Variants in PGM1 observed in about 807,000 individuals in gnomAD.
The protein encoded by PGM1 is phosphoglucomutase 1, also known as phosphoglucomutase-1.
Under a neutral mutation model 55.6 loss-of-function variants are expected in PGM1, and 52 were observed. The observed-to-expected ratio is 0.94, with a 90% CI of 0.75 to 1.18. The LOEUF is 1.18. Among genes scored for constraint, PGM1 ranks in the 50% most tolerant of loss-of-function variants. The pLI, the probability that PGM1 is intolerant of heterozygous loss-of-function variation, is 0.00. For synonymous variants in PGM1, 287 were observed against 271.7 expected (o/e 1.06, Z -0.55); for missense variants, 724 against 729.3 (o/e 0.99, Z 0.08).
intron 10 of PGM1, among the ~76,000 whole-genome samples, chr1:63,656,778 A>G (rs1380149082): frequency 6.6e-6 from 1 of 152,218 alleles, no homozygotes; most frequent in African/African-American, 2.4e-5. Context: ...ATCTAAAAAA[A>G]GTGAATCTCA....
At chr1:63,619,525 A>G (rs996087878) in intron 1 of PGM1, among the ~76,000 whole-genome samples, 2 of 152,232 alleles carry the variant, frequency 1.3e-5, no homozygotes, top group African/African-American at 4.8e-5. Flanking sequence ...AGCCTTGGTT[A>G]ATCTTTTTCC....
At chr1:63,605,811 A>G (rs182582123) in intron 1 of PGM1, among the ~76,000 whole-genome samples, 2 of 152,224 alleles carry the variant, frequency 1.3e-5, no homozygotes, top group East Asian at 1.9e-4. Context: ...AGCTCAAGCA[A>G]TCCACCCACC....
chr1:63,653,183 C>G (rs1213836054), intron 9 of PGM1, among the ~76,000 whole-genome samples: 3 of 152,166 alleles, frequency 2.0e-5, no homozygotes, highest in Admixed American at 6.5e-5. Context: ...TTTCTGTAAT[C>G]AGAAAATCCA....
chr1:63,633,864 CTCTGTGTGTGTGTG>C (rs1367236325), intron 4 of PGM1, among the ~76,000 whole-genome samples: 30 of 70,186 alleles, frequency 4.3e-4, no homozygotes, highest in Admixed American at 2.8e-3. Flanking sequence ...GTGTCTGTGT[CTCTGTGTGTGTGTG>C]TGTGTGTGTG....
chr1:63,638,827 T>C, intron 7 of PGM1, 27 bp downstream of exon 7: 1 of 1,466,856 alleles, frequency 6.8e-7, no homozygotes, highest in Non-Finnish European at 9.6e-7. Context: ...TGCTAGCATT[T>C]TCCTCCCTGT....
intron 7 of PGM1, among the ~76,000 whole-genome samples, chr1:63,639,426 T>A (rs1649455594): frequency 1.3e-5 from 2 of 151,916 alleles, no homozygotes; most frequent in Non-Finnish European, 2.9e-5. Context: ...TAGACCTCAC[T>A]CTCTGCGCTC....
intron 7 of PGM1, among the ~76,000 whole-genome samples, chr1:63,647,961 C>A (rs1649699280): frequency 6.6e-6 from 1 of 152,168 alleles, no homozygotes; most frequent in South Asian, 2.1e-4. Flanking sequence ...TTCTAAATCA[C>A]TTTGGGAAGC....
At chr1:63,605,551 C>T (rs1648396109) in intron 1 of PGM1, among the ~76,000 whole-genome samples, 3 of 151,912 alleles carry the variant, frequency 2.0e-5, no homozygotes, top group South Asian at 4.2e-4. Flanking sequence ...ACAGAGAATC[C>T]TGGGGAATAT....
chr1:63,638,648 CCTG>C, intron 6 of PGM1, 34 bp from the exon 7 acceptor site: 1 of 1,382,706 alleles, frequency 7.2e-7, no homozygotes. Flanking sequence ...CGCTAACAGT[CCTG>C]CTGTGATGTA....
chr1:63,656,130 A>C (rs953055834), intron 10 of PGM1: 3 of 152,274 alleles, frequency 2.0e-5, no homozygotes, highest in Non-Finnish European at 4.4e-5. Context: ...TTGCTGAAGG[A>C]CATTTCTCCA....
chr1:63,623,455 T>G (rs899715517), intron 1 of PGM1: 3 of 1,610,698 alleles, frequency 1.9e-6, no homozygotes, highest in Non-Finnish European at 2.5e-6. Context: ...TCGGTGGAAG[T>G]GAAGGATGAG....
Position 63,593,420 on chromosome 1 carries a change from G to A in PGM1, c.-69G>A. ...GCCGTGCCCTCACCCCAGAGCAGCT[G>A]CAGCCTCAGCCGGCCGCCCCTCCGC... On this transcript the variant is annotated 5_prime_UTR_variant, in exon 1 of 11. Coordinates refer to ENST00000371084, the MANE Select transcript of PGM1 (RefSeq NM_002633.3). The A allele has an allele frequency of 6.2e-7, 1 of 1,605,960 alleles. No homozygotes were observed. The highest frequency in any genetic ancestry group is 1.1e-5 in the South Asian group (1 of 90,062).
rs762809896 is a variant in PGM1, at chr1:63,593,612, A to G, written c.124A>G (p.Ser42Gly). Residue 42 changes from serine to glycine, a missense_variant, in exon 1 of 11, where the codon AGT (serine) becomes GGT (glycine). Coordinates refer to ENST00000371084, the MANE Select transcript of PGM1 (RefSeq NM_002633.3). The part of the protein sequence containing the change: ...SANYAENFIQ[S>G]IISTVEPAQR... ...CAACTACGCGGAGAACTTCATCCAG[A>G]GTATCATCTCCACCGTGGAGCCGGC... The G allele has an allele frequency of 6.2e-6, 10 of 1,613,318 alleles. No homozygotes were observed. The highest frequency in any genetic ancestry group is 3.3e-5 in the South Asian group (3 of 91,000).
chr1:63,593,631 A>T lies in PGM1; in HGVS notation c.143A>T (p.Glu48Val), dbSNP rs1403233841. ...NFIQSIISTV[E>V]PAQRQEATLV... The stretch of plus-strand genomic sequence containing the variant: ...ATCCAGAGTATCATCTCCACCGTGG[A>T]GCCGGCGCAGCGGCAGGAGGCCACG... Residue 48 changes from glutamate to valine, a missense_variant, in exon 1 of 11, where the codon GAG becomes GTG. By Grantham distance (121) the Glu-to-Val change is moderately radical (BLOSUM62 -2). Transcript: ENST00000371084. 1.9e-6 allele frequency: 3 copies of T among 1,612,056 alleles called. No homozygotes were observed. The highest frequency in any genetic ancestry group is 1.7e-6 in the Non-Finnish European group (2 of 1,179,384).
chr1:63,638,887 C>A (rs1006651075), intron 7 of PGM1, 87 bp downstream of exon 7: 1 of 911,414 alleles, frequency 1.1e-6, no homozygotes. Flanking sequence ...CACTGAAATA[C>A]CAACGGTAGC....
intron 1 of PGM1, among the ~76,000 whole-genome samples, chr1:63,622,237 C>G (rs554717039): frequency 2.0e-5 from 3 of 151,918 alleles, no homozygotes; most frequent in Non-Finnish European, 4.4e-5. Flanking sequence ...GTTGAACAGA[C>G]TGGTCTCGAA....
chr1:63,626,088 G>C (rs981897666), intron 1 of PGM1, among the ~76,000 whole-genome samples: 1 of 152,182 alleles, frequency 6.6e-6, no homozygotes, highest in African/African-American at 2.4e-5. Flanking sequence ...TGGTGGGGAG[G>C]CGTGAGTTTT....
At position 63,610,221 on chromosome 1, in the gene PGM1, A is replaced by G. The variant is rs75243388; in HGVS notation, c.246+16487A>G. The stretch of plus-strand genomic sequence containing the variant: ...TTTTGTGAATTCTAAGGTGCCACTC[A>G]AATATGAATTATTTGGTTGTTTTTG... On this transcript the variant is annotated intron_variant, in intron 1 of 10. Transcript: ENST00000371084. Among the ~76,000 whole-genome samples the G allele has an allele frequency of 4.3e-4, 65 of 152,328 alleles. No individual in the cohort carries two copies. The East Asian group carries it at 9.5e-3, about 22-fold the overall frequency.
chr1:63,607,028 G>A (rs1648438366), intron 1 of PGM1, among the ~76,000 whole-genome samples: 1 of 152,074 alleles, frequency 6.6e-6, no homozygotes, highest in Non-Finnish European at 1.5e-5. Context: ...ATATTTTTTA[G>A]TCTATTCACA....
Sources: gnomAD v4.1 joint callset for allele counts (sites outside exome capture counted in the v4.1 genomes callset) on GRCh38, gnomAD v4.1.1 for gene constraint, MANE v1.5 for transcripts, NCBI Gene and HGNC (gene_info 2026-07-23, HGNC 2026-07-21) for gene names.